SVEP1: variants seen among roughly 807,000 people sequenced by gnomAD.
SVEP1 encodes sushi, von Willebrand factor type A, EGF and pentraxin domain containing 1, also known as sushi, von Willebrand factor type A, EGF and pentraxin domain-containing protein 1.
SVEP1 carries 164 observed loss-of-function variants against 367.3 expected under a neutral mutation model. The observed-to-expected ratio is 0.45, with a 90% confidence interval of 0.39 to 0.51. The LOEUF (loss-of-function observed/expected upper bound fraction) is 0.51. SVEP1 is among the 20% of genes least tolerant of loss of function. The pLI is 0.00. For missense variants in SVEP1, 4,117 were observed against 4,425.3 expected (o/e 0.93, Z 1.98); for synonymous variants, 1,666 against 1,611.6 (o/e 1.03, Z -0.81).
intron 22 of SVEP1, among the ~76,000 whole-genome samples, chr9:110,452,814 T>C (rs574264690): frequency 3.3e-5 from 5 of 152,228 alleles, no homozygotes; most frequent in African/African-American, 1.2e-4. Context: ...CTTTATCAAG[T>C]GCAATATCAA....
intron 3 of SVEP1, among the ~76,000 whole-genome samples, chr9:110,542,257 C>T (rs1830160941): frequency 1.3e-5 from 2 of 152,104 alleles, no homozygotes; most frequent in Non-Finnish European, 2.9e-5. Flanking sequence ...GGGTTCTTCC[C>T]GGGGTTCTGC....
chr9:110,528,318 A>C (rs571030227), intron 3 of SVEP1, among the ~76,000 whole-genome samples: 68 of 151,430 alleles, frequency 4.5e-4, no homozygotes, highest in African/African-American at 1.1e-3. Flanking sequence ...CTTTGTGTAG[A>C]TACCCAGTAG....
intron 24 of SVEP1, among the ~76,000 whole-genome samples, chr9:110,448,591 C>G (rs766219719): frequency 6.6e-6 from 1 of 152,212 alleles, no homozygotes; most frequent in Non-Finnish European, 1.5e-5. Context: ...ACAACACTAT[C>G]ATATCCTCAT....
At chr9:110,410,781 G>A (rs1397919781) in intron 37 of SVEP1, among the ~76,000 whole-genome samples, 2 of 152,050 alleles carry the variant, frequency 1.3e-5, no homozygotes, top group East Asian at 3.9e-4. Flanking sequence ...ACAGTGGGCT[G>A]GCCCTGTAAG....
At chr9:110,453,896 A>G (rs1828737558) in intron 22 of SVEP1, among the ~76,000 whole-genome samples, 1 of 151,806 alleles carries the variant, frequency 6.6e-6, no homozygotes, top group South Asian at 2.1e-4. Context: ...AAAAAAAAAA[A>G]AAGCCATTCT....
chr9:110,557,750 CTATTAT>C (rs1830372822), intron 1 of SVEP1, among the ~76,000 whole-genome samples: 3 of 152,174 alleles, frequency 2.0e-5, no homozygotes, highest in African/African-American at 7.2e-5. Context: ...ATTTTGCTAT[CTATTAT>C]TATTAATATT....
At chr9:110,463,136 C>T (rs1170418207) in intron 18 of SVEP1, among the ~76,000 whole-genome samples, 1 of 151,930 alleles carries the variant, frequency 6.6e-6, no homozygotes, top group Non-Finnish European at 1.5e-5. Context: ...TTAACTTCAT[C>T]CTGGAGAGTC....
rs373385625 is a variant in SVEP1 at position 110,427,776 on chromosome 9, G to A, written c.5808-18C>T. ...CCTGTAAGCTGCGGGAAAGAATGATGTTACTCTTTCATTGGCTATGGATTT... is the reference window on the plus strand; with the variant it reads ...CCTGTAAGCTGCGGGAAAGAATGATATTACTCTTTCATTGGCTATGGATTT... On this transcript the variant is annotated intron_variant, in intron 35 of 47. Transcript: ENST00000374469. 2.5e-6 allele frequency: 4 copies of A among 1,601,296 alleles called. No homozygotes were observed. In the African/African-American group the frequency reaches 4.0e-5, roughly 16 times the overall value.
intron 5 of SVEP1, among the ~76,000 whole-genome samples, chr9:110,510,972 T>C (rs1335684508): frequency 6.6e-6 from 1 of 152,200 alleles, no homozygotes; most frequent in African/African-American, 2.4e-5. Context: ...TTTAGAAATC[T>C]AGGGTCTATT....
At chr9:110,561,924 T>C (rs1306999178) in intron 1 of SVEP1, among the ~76,000 whole-genome samples, 30 of 152,166 alleles carry the variant, frequency 2.0e-4, no homozygotes, top group Non-Finnish European at 2.9e-5. Context: ...TTTAGGCTAT[T>C]TATTATAGTC....
intron 26 of SVEP1, among the ~76,000 whole-genome samples, 165 bp from the exon 27 acceptor site, chr9:110,443,885 C>A (rs564149265): frequency 2.0e-4 from 31 of 152,054 alleles, no homozygotes; most frequent in African/African-American, 7.0e-4. Context: ...TTTGTAGAAG[C>A]AGATTTGATT....
intron 3 of SVEP1, among the ~76,000 whole-genome samples, chr9:110,538,207 GAACA>G (rs1490097913): frequency 6.6e-6 from 1 of 151,932 alleles, no homozygotes; most frequent in East Asian, 1.9e-4. Flanking sequence ...AATAGAAATG[GAACA>G]AACTAGCCTG....
intron 3 of SVEP1, among the ~76,000 whole-genome samples, chr9:110,524,774 C>T (rs1564167244): frequency 1.3e-5 from 2 of 151,424 alleles, no homozygotes; most frequent in Non-Finnish European, 2.9e-5. Flanking sequence ...TGCAGTGGCA[C>T]AATCACAGCT....
chr9:110,375,364 C>T lies in SVEP1; in HGVS notation c.10600+4G>A. On this transcript the variant is annotated splice_donor_region_variant and intron_variant, in intron 46 of 47. Transcript: ENST00000374469. ...CAAGAAAACAAACCATGAAAGAGGC[C>T]TACCTGTATGACAGCGAGACCCCGT... 2.6e-6 allele frequency: 4 copies of T among 1,542,044 alleles called. No homozygotes were observed. Among genetic ancestry groups the T allele is most frequent in the Non-Finnish European group, 3.5e-6 (4 of 1,143,102 alleles).
intron 43 of SVEP1, among the ~76,000 whole-genome samples, chr9:110,385,329 T>G (rs1263965028): frequency 6.6e-6 from 1 of 152,156 alleles, no homozygotes; most frequent in Non-Finnish European, 1.5e-5. Flanking sequence ...TTAAAAAACG[T>G]TGCGTTATCA....
At position 110,469,115 on chromosome 9, in the gene SVEP1, AAACAG is replaced by A; in HGVS notation, c.2999-19_2999-15del. ...AAGGGCAATTGACTACAGAAAAAGC[AAACAG>A]GAAACACTGAATAAACTACAACGGT... On this transcript the variant is annotated splice_polypyrimidine_tract_variant and intron_variant, in intron 16 of 47. Coordinates refer to ENST00000374469, the MANE Select transcript of SVEP1 (RefSeq NM_153366.4). The A allele has an allele frequency of 6.2e-7, 1 of 1,607,116 alleles. No homozygotes were observed.
At chr9:110,484,644 G>C (rs894424539) in intron 9 of SVEP1, among the ~76,000 whole-genome samples, 2 of 152,098 alleles carry the variant, frequency 1.3e-5, no homozygotes, top group African/African-American at 4.8e-5. Flanking sequence ...ACTATTATCA[G>C]AGTGAACAGA....
At chr9:110,548,487 T>G (rs1040088339) in intron 2 of SVEP1, among the ~76,000 whole-genome samples, 14 of 152,304 alleles carry the variant, frequency 9.2e-5, no homozygotes, top group Admixed American at 7.8e-4. Context: ...TAGGTACTAT[T>G]CTCATTTCCT....
intron 36 of SVEP1, among the ~76,000 whole-genome samples, chr9:110,423,781 A>G (rs983426169): frequency 1.2e-4 from 18 of 151,316 alleles, no homozygotes; most frequent in African/African-American, 4.2e-4. Flanking sequence ...TCCTGAAAAT[A>G]TAAGTCAATA....
Sources: gnomAD v4.1 joint callset for allele counts (sites outside exome capture counted in the v4.1 genomes callset) on GRCh38, gnomAD v4.1.1 for gene constraint, MANE v1.5 for transcripts, NCBI Gene and HGNC (gene_info 2026-07-23, HGNC 2026-07-21) for gene names.